Variants in RAD51B observed in about 807,000 individuals in gnomAD.
RAD51B encodes RAD51 paralog B, also known as DNA repair protein RAD51 homolog 2.
RAD51B carries 38 observed loss-of-function variants against 42.2 expected under a neutral mutation model. The ratio of observed to expected loss-of-function variants is 0.90; its 90% CI spans 0.70 to 1.18. The LOEUF (loss-of-function observed/expected upper bound fraction) is 1.18. Ranked by LOEUF, RAD51B falls within the 50% of genes most tolerant of loss-of-function variation. The pLI, the probability that RAD51B is intolerant of heterozygous loss-of-function variation, is 0.00. For missense variants in RAD51B, 373 were observed against 400.7 expected, an observed-to-expected ratio of 0.93 and a Z score of 0.59; for synonymous variants, 154 against 145.2, an observed-to-expected ratio of 1.06 and a Z score of -0.43.
chr14:68,595,737 G>A, exon 11 of RAD51B: 1 of 662,688 alleles, frequency 1.5e-6, no homozygotes, highest in Non-Finnish European at 2.0e-6. Context: ...TTAAAATTAT[G>A]TGTCAGAAGA....
At chr14:68,595,293 C>T (rs1260031490) in exon 11 of RAD51B, 24 of 1,065,138 alleles carry the variant, frequency 2.3e-5, no homozygotes, top group South Asian at 4.6e-5. Context: ...AAAGGCATTT[C>T]GCTTCCTTTG....
At chr14:68,228,112 A>C (rs1009110774) in intron 7 of RAD51B, among the ~76,000 whole-genome samples, 1 of 152,148 alleles carries the variant, frequency 6.6e-6, no homozygotes, top group Admixed American at 6.5e-5. Flanking sequence ...CCAAGATTAC[A>C]AGCTAGTAAG....
intron 7 of RAD51B, among the ~76,000 whole-genome samples, chr14:67,993,414 A>G (rs2075329266): frequency 1.3e-5 from 2 of 152,092 alleles, no homozygotes; most frequent in African/African-American, 2.4e-5. Flanking sequence ...TTTAATTTTT[A>G]GCTCCCACAA....
chr14:68,548,146 C>T (rs1312516340), intron 10 of RAD51B, among the ~76,000 whole-genome samples: 2 of 152,200 alleles, frequency 1.3e-5, no homozygotes, highest in Non-Finnish European at 2.9e-5. Flanking sequence ...TAATTGCCTC[C>T]TCTCTTTTTC....
At chr14:68,486,990 G>A (rs774638075) in intron 10 of RAD51B, among the ~76,000 whole-genome samples, 1 of 152,168 alleles carries the variant, frequency 6.6e-6, no homozygotes, top group Admixed American at 6.5e-5. Context: ...CTCTTAGTAC[G>A]TATTCACATG....
intron 8 of RAD51B, among the ~76,000 whole-genome samples, chr14:68,360,535 G>A (rs2083001978): frequency 6.6e-6 from 1 of 152,184 alleles, no homozygotes; most frequent in African/African-American, 2.4e-5. Context: ...CATGTGCCAT[G>A]TACTAGGTCT....
At chr14:68,592,572 A>G (rs1890802993) in intron 10 of RAD51B, among the ~76,000 whole-genome samples, 1 of 152,208 alleles carries the variant, frequency 6.6e-6, no homozygotes, top group Non-Finnish European at 1.5e-5. Flanking sequence ...AGATCTGAGA[A>G]GTGGCAGGGC....
chr14:68,173,098 A>G (rs1171619410), intron 7 of RAD51B, among the ~76,000 whole-genome samples: 1 of 152,230 alleles, frequency 6.6e-6, no homozygotes, highest in Non-Finnish European at 1.5e-5. Context: ...GTGAAGAAGT[A>G]GAACTCAGAG....
intron 11 of RAD51B, among the ~76,000 whole-genome samples, chr14:68,657,216 G>A (rs1287199157): frequency 2.0e-5 from 3 of 151,928 alleles, no homozygotes; most frequent in East Asian, 1.9e-4. Flanking sequence ...TGTAGGTCTC[G>A]CGGTGGGGGG....
chr14:68,196,104 T>A (rs925304269), intron 7 of RAD51B, among the ~76,000 whole-genome samples: 4 of 150,188 alleles, frequency 2.7e-5, no homozygotes, highest in African/African-American at 9.9e-5. Flanking sequence ...CTTGGGAGGC[T>A]GAGGCAGGAG....
chr14:68,203,172 C>T (rs2079524008), intron 7 of RAD51B, among the ~76,000 whole-genome samples: 1 of 152,154 alleles, frequency 6.6e-6, no homozygotes, highest in African/African-American at 2.4e-5. Context: ...GAAGATCCAT[C>T]AGGGGAATCA....
chr14:68,484,519 G>A (rs894062149), intron 10 of RAD51B, among the ~76,000 whole-genome samples: 1 of 151,838 alleles, frequency 6.6e-6, no homozygotes, highest in East Asian at 1.9e-4. Flanking sequence ...CACCACGCCC[G>A]GCTAATTTTT....
intron 7 of RAD51B, among the ~76,000 whole-genome samples, chr14:67,896,507 C>T (rs1210575673): frequency 6.6e-6 from 1 of 152,106 alleles, no homozygotes; most frequent in East Asian, 1.9e-4. Flanking sequence ...TACTGTAATG[C>T]CTTCTTTAGA....
intron 8 of RAD51B, among the ~76,000 whole-genome samples, chr14:68,362,715 G>A (rs917991126): frequency 2.0e-5 from 3 of 152,146 alleles, no homozygotes; most frequent in Non-Finnish European, 4.4e-5. Context: ...CGGGCATGGT[G>A]GTGGGCGCCT....
intron 10 of RAD51B, among the ~76,000 whole-genome samples, chr14:68,576,765 G>T (rs1355786806): frequency 1.3e-5 from 2 of 152,116 alleles, no homozygotes; most frequent in Non-Finnish European, 2.9e-5. Flanking sequence ...CATGATGTTA[G>T]TAAGGAAGGG....
intron 8 of RAD51B, among the ~76,000 whole-genome samples, chr14:68,346,452 C>A (rs931008844): frequency 6.6e-6 from 1 of 152,216 alleles, no homozygotes; most frequent in Non-Finnish European, 1.5e-5. Flanking sequence ...CCTCTCTATT[C>A]TGTTGCCCCT....
chr14:68,639,100 G>C lies in RAD51B; in HGVS notation c.1037-11681G>C, dbSNP rs139238418. Among the ~76,000 whole-genome samples, 628 of 152,294 alleles carry C rather than the reference G, an allele frequency of 4.1e-3. 5 individuals are homozygous for C. The highest frequency in any genetic ancestry group is 0.015 in the African/African-American group (607 of 41,566). The stretch of plus-strand genomic sequence containing the variant: ...ATGAGGTGTAGGGTGGAGCTTCCTT[G>C]GGGGAGGGGAGAGCCCAAGAACACA... On this transcript the variant is annotated intron_variant, in intron 10 of 11. Transcript: ENST00000488612.
intron 7 of RAD51B, among the ~76,000 whole-genome samples, chr14:68,181,592 G>A (rs1182190639): frequency 6.6e-6 from 1 of 152,194 alleles, no homozygotes; most frequent in Non-Finnish European, 1.5e-5. Context: ...GAAATTTTAA[G>A]CCTGTGGCTT....
intron 8 of RAD51B, among the ~76,000 whole-genome samples, chr14:68,310,971 T>G (rs983685217): frequency 1.3e-5 from 2 of 152,202 alleles, no homozygotes; most frequent in Non-Finnish European, 2.9e-5. Context: ...CACCTCATCT[T>G]TGCATGGATG....
Sources: gnomAD v4.1 joint callset for allele counts (sites outside exome capture counted in the v4.1 genomes callset) on GRCh38, gnomAD v4.1.1 for gene constraint, MANE v1.5 for transcripts, NCBI Gene and HGNC (gene_info 2026-07-23, HGNC 2026-07-21) for gene names.